The following MGAT4C variants were observed in gnomAD, a reference collection of about 807,000 sequenced individuals.
MGAT4C encodes MGAT4 family member C.
A neutral mutation model predicts 40.1 loss-of-function variants in MGAT4C; 19 were observed. The ratio of observed to expected loss-of-function variants is 0.47; its 90% confidence interval spans 0.33 to 0.70. The LOEUF is 0.70. Among genes scored for constraint, MGAT4C ranks in the 30% least tolerant of loss-of-function variants. MGAT4C has a pLI of 0.02. For missense variants in MGAT4C, 491 were observed against 563.2 expected (o/e 0.87, Z 1.30); for synonymous variants, 181 against 187.1 (o/e 0.97, Z 0.27).
intron 2 of MGAT4C, among the ~76,000 whole-genome samples, chr12:86,523,675 G>C (rs1264613397): frequency 6.6e-6 from 1 of 152,068 alleles, no homozygotes; most frequent in Non-Finnish European, 1.5e-5. Context: ...ATCTAATTCT[G>C]TCAGTGGGGT....
At chr12:86,097,156 T>C (rs1389765455) in intron 1 of MGAT4C, among the ~76,000 whole-genome samples, 2 of 151,682 alleles carry the variant, frequency 1.3e-5, no homozygotes, top group Non-Finnish European at 3.0e-5. Context: ...AATTTCATCA[T>C]TTTAAATTGT....
At chr12:86,574,035 G>A (rs572821862) in intron 2 of MGAT4C, among the ~76,000 whole-genome samples, 1 of 151,686 alleles carries the variant, frequency 6.6e-6, no homozygotes, top group African/African-American at 2.4e-5. Context: ...TAGAAACTAT[G>A]CTTTAGAGAT....
intron 1 of MGAT4C, among the ~76,000 whole-genome samples, chr12:86,728,078 A>G (rs1277750536): frequency 6.6e-6 from 1 of 152,224 alleles, no homozygotes; most frequent in Non-Finnish European, 1.5e-5. Context: ...AAAGTTAACT[A>G]TATTTATAAA....
chr12:86,000,478 C>T (rs1425011642), intron 2 of MGAT4C, among the ~76,000 whole-genome samples: 3 of 152,014 alleles, frequency 2.0e-5, no homozygotes, highest in Non-Finnish European at 2.9e-5. Context: ...AAATTCCTTG[C>T]AACACAGAAA....
At chr12:86,660,522 A>T (rs1963955622) in intron 2 of MGAT4C, among the ~76,000 whole-genome samples, 1 of 152,156 alleles carries the variant, frequency 6.6e-6, no homozygotes, top group African/African-American at 2.4e-5. Flanking sequence ...CAGGAAAGAG[A>T]TCTAACCTGG....
intron 2 of MGAT4C, among the ~76,000 whole-genome samples, chr12:86,681,955 C>T (rs1949990936): frequency 6.6e-6 from 1 of 152,028 alleles, no homozygotes; most frequent in Non-Finnish European, 1.5e-5. Flanking sequence ...TTCACCTTCT[C>T]TTAGTGCACA....
intron 1 of MGAT4C, among the ~76,000 whole-genome samples, chr12:86,230,144 G>A (rs1951256655): frequency 6.6e-6 from 1 of 152,008 alleles, no homozygotes; most frequent in Non-Finnish European, 1.5e-5. Context: ...CTTTACAAAT[G>A]TGTGCTGAAT....
At chr12:86,546,768 A>G (rs1959195114) in intron 2 of MGAT4C, among the ~76,000 whole-genome samples, 1 of 152,068 alleles carries the variant, frequency 6.6e-6, no homozygotes, top group African/African-American at 2.4e-5. Flanking sequence ...GGAAGCTGAA[A>G]TGTCATAAAA....
intron 4 of MGAT4C, among the ~76,000 whole-genome samples, chr12:86,282,859 T>G (rs1953254874): frequency 6.6e-6 from 1 of 152,134 alleles, no homozygotes; most frequent in South Asian, 2.1e-4. Context: ...GCATATCTTT[T>G]CTGGACTCTT....
intron 3 of MGAT4C, among the ~76,000 whole-genome samples, chr12:86,408,799 T>G (rs926664799): frequency 3.1e-4 from 47 of 152,102 alleles, no homozygotes; most frequent in African/African-American, 9.9e-4. Context: ...GAGATAGAAC[T>G]TCTGTCTCCA....
At chr12:86,531,105 C>G (rs937202045) in intron 2 of MGAT4C, among the ~76,000 whole-genome samples, 2 of 151,976 alleles carry the variant, frequency 1.3e-5, no homozygotes, top group African/African-American at 2.4e-5. Flanking sequence ...AATAGTAGAG[C>G]ATTGACAACA....
chr12:86,655,204 G>A (rs1030733833), intron 2 of MGAT4C, among the ~76,000 whole-genome samples: 2 of 151,686 alleles, frequency 1.3e-5, no homozygotes, highest in African/African-American at 2.4e-5. Context: ...GCCCCCAATC[G>A]GCCCGGGTGT....
intron 1 of MGAT4C, among the ~76,000 whole-genome samples, chr12:86,800,019 G>T (rs1308245812): frequency 1.3e-5 from 2 of 151,822 alleles, no homozygotes; most frequent in Non-Finnish European, 2.9e-5. Context: ...TAAAATCTTT[G>T]GTTCAGTGCC....
chr12:86,292,242 A>C (rs952259608), intron 4 of MGAT4C, among the ~76,000 whole-genome samples: 2 of 152,102 alleles, frequency 1.3e-5, no homozygotes, highest in African/African-American at 2.4e-5. Context: ...ACATTTTAGC[A>C]AAAATATAAT....
intron 1 of MGAT4C, among the ~76,000 whole-genome samples, chr12:86,160,839 CCTT>C (rs1190535284): frequency 6.6e-6 from 1 of 152,002 alleles, no homozygotes; most frequent in Non-Finnish European, 1.5e-5. Context: ...TCTTCATTGT[CCTT>C]CTTAATTTTT....
At chr12:86,365,420 C>T (rs549188511) in intron 3 of MGAT4C, among the ~76,000 whole-genome samples, 5 of 152,238 alleles carry the variant, frequency 3.3e-5, no homozygotes, top group African/African-American at 7.2e-5. Context: ...TCCTCCCCAG[C>T]TTACGAGGAT....
chr12:86,774,311 C>CTTTTCTTTCTTTCTTTCTT (rs1257192871), intron 1 of MGAT4C, among the ~76,000 whole-genome samples: 1 of 40,088 alleles, frequency 2.5e-5, no homozygotes, highest in Non-Finnish European at 6.5e-5. Flanking sequence ...TTCTTTCTTT[C>CTTTTCTTTCTTTCTTTCTT]TTTCTTTCTT....
At position 86,383,568 on chromosome 12, in the gene MGAT4C, A is replaced by C. The variant is rs987327280; in HGVS notation, c.-119-49441T>G. ...TCGTCTCAAAAAAAAAAAAAAAAAA[A>C]AAAAAAAACAGAAAGAAATATTTGA... On this transcript the variant is annotated intron_variant, in intron 3 of 7. Coordinates refer to the MGAT4C transcript ENST00000548651. Among the ~76,000 whole-genome samples, 6 of 150,634 alleles carry C rather than the reference A, an allele frequency of 4.0e-5. No homozygotes were observed. The Admixed American group carries it at 4.0e-4, about 10-fold the overall frequency.
chr12:86,224,167 C>A (rs1950988728), intron 1 of MGAT4C, among the ~76,000 whole-genome samples: 1 of 152,034 alleles, frequency 6.6e-6, no homozygotes, highest in Admixed American at 6.6e-5. Context: ...TGAAGACTGC[C>A]CATCTGGCAT....
Sources: gnomAD v4.1 joint callset for allele counts (sites outside exome capture counted in the v4.1 genomes callset) on GRCh38, gnomAD v4.1.1 for gene constraint, MANE v1.5 for transcripts, NCBI Gene and HGNC (gene_info 2026-07-23, HGNC 2026-07-21) for gene names.